The following HAUS6 variants were observed in gnomAD, a reference collection of about 807,000 sequenced individuals.
HAUS6 encodes HAUS augmin like complex subunit 6, also known as HAUS augmin-like complex subunit 6.
A neutral mutation model predicts 106.8 loss-of-function variants in HAUS6; 80 were observed. That is an observed-to-expected ratio of 0.75 (90% CI 0.63 to 0.90). The LOEUF (loss-of-function observed/expected upper bound fraction) is 0.90. HAUS6 is among the 40% of genes least tolerant of loss of function. The pLI is 0.00. For missense variants in HAUS6, 1,155 were observed against 1,118.1 expected, an observed-to-expected ratio of 1.03 and a Z score of -0.47; for synonymous variants, 356 against 379.1, an observed-to-expected ratio of 0.94 and a Z score of 0.71.
Position 19,058,294 on chromosome 9 carries a change from C to G in HAUS6, c.2473G>C (p.Glu825Gln). Residue 825 changes from glutamate (E) to glutamine (Q), a missense_variant, in exon 16 of 17, where the codon GAA becomes CAA. Glu to Gln is a conservative substitution (Grantham distance 29, BLOSUM62 2). Coordinates refer to ENST00000380502, the MANE Select transcript of HAUS6 (RefSeq NM_017645.5). ...AGAGCCTGTAAATTAAAGTCTGATT[C>G]TGGAGTAGTCTGTCTCCCTCCCACA... ...DVVGGRQTTP[E>Q]SDFNLQALRS... The G allele has an allele frequency of 6.2e-7, 1 of 1,613,204 alleles. No homozygotes were observed. Among genetic ancestry groups the G allele is most frequent in the Non-Finnish European group, 8.5e-7 (1 of 1,179,198 alleles).
At chr9:19,087,542 G>T (rs1837326454) in intron 5 of HAUS6, among the ~76,000 whole-genome samples, 1 of 152,098 alleles carries the variant, frequency 6.6e-6, no homozygotes, top group African/African-American at 2.4e-5. Flanking sequence ...TTATCCTACT[G>T]TAACTGTTTA....
chr9:19,098,451 A>AG (rs1474137911), intron 1 of HAUS6, among the ~76,000 whole-genome samples: 1 of 151,750 alleles, frequency 6.6e-6, no homozygotes, highest in East Asian at 1.9e-4. Flanking sequence ...AAAAAAAAAA[A>AG]AAAATTATAT....
intron 2 of HAUS6, among the ~76,000 whole-genome samples, chr9:19,095,326 C>T (rs546591341): frequency 6.6e-6 from 1 of 152,070 alleles, no homozygotes; most frequent in Non-Finnish European, 1.5e-5. Context: ...AGGCCTCATA[C>T]CTTTTCTATA....
chr9:19,080,501 A>G lies in HAUS6; in HGVS notation c.1042T>C (p.Leu348=), dbSNP rs543328888. The change falls in exon 9 of 17, where the codon TTA becomes CTA. Residue 348 remains leucine (L), a synonymous_variant. Transcript: ENST00000380502. ...TACCTCATATGTTTCAGATCTGATA[A>G]TCTTTCCTTCTGAAATTTGGTCTCT... The part of the protein sequence containing the change: ...EKETKFQKER[L]SDLKHMRYRI... 5 of 1,607,598 alleles carry G rather than the reference A, an allele frequency of 3.1e-6. No individual in the cohort carries two copies. The South Asian group carries it at 5.5e-5, about 18-fold the overall frequency.
chr9:19,100,323 G>A (rs550195130), intron 1 of HAUS6, among the ~76,000 whole-genome samples: 16 of 152,122 alleles, frequency 1.1e-4, no homozygotes, highest in Non-Finnish European at 2.1e-4. Flanking sequence ...CCACATTCAG[G>A]CCACTGCACT....
chr9:19,094,243 C>G, intron 3 of HAUS6, 74 bp downstream of exon 3: 1 of 816,894 alleles, frequency 1.2e-6, no homozygotes, highest in Non-Finnish European at 2.0e-6. Context: ...AGGATTTCAC[C>G]TCTAAAAAGT....
At chr9:19,073,748 G>A (rs1166093339) in intron 11 of HAUS6, 1 of 151,914 alleles carries the variant, frequency 6.6e-6, no homozygotes, top group Non-Finnish European at 1.5e-5. Flanking sequence ...ATTAAGGACT[G>A]TCCAAAGCCA....
Position 19,102,538 on chromosome 9 carries a change from G to C in HAUS6, c.114C>G (p.His38Gln), listed in dbSNP as rs1163147394. Reference sequence around the variant, plus strand: ...GGCCTCCTTACACTCCGAGGTGCGTGTGCGACACGATCTTTCCGCAGGCAA... The same window carrying C: ...GGCCTCCTTACACTCCGAGGTGCGTCTGCGACACGATCTTTCCGCAGGCAA... ...ATIACGKIVS[H>Q]THLGVNMFDK... Residue 38 changes from histidine to glutamine, a missense_variant, in exon 1 of 17, where the codon CAC (histidine) becomes CAG (glutamine). By Grantham distance (24) the His-to-Gln change is conservative. Transcript: ENST00000380502. The C allele has an allele frequency of 6.2e-7, 1 of 1,613,712 alleles. No homozygotes were observed. Among genetic ancestry groups the C allele is most frequent in the Non-Finnish European group, 8.5e-7 (1 of 1,179,804 alleles).
chr9:19,097,658 G>A (rs749865384), intron 1 of HAUS6, among the ~76,000 whole-genome samples: 2 of 151,946 alleles, frequency 1.3e-5, no homozygotes. Context: ...CCTCACCCTA[G>A]AGTCCAGGGT....
In HAUS6 at chr9:19,058,658, G is replaced by C. The variant is rs374948281; in HGVS notation, c.2109C>G (p.Thr703=). The C allele has an allele frequency of 3.7e-6, 6 of 1,608,066 alleles. No individual in the cohort carries two copies. Among genetic ancestry groups the C allele is most frequent in the Non-Finnish European group, 5.1e-6 (6 of 1,174,968 alleles). ...CKQDLECLAF[T]KLSETSRMET... is the part of the protein sequence containing the mutation. ...CCATTCGGCTAGTTTCTGAAAGCTT[G>C]GTGAAGGCTAAACATTCCAAATCTT... is the stretch of plus-strand genomic sequence containing the variant. Residue 703 remains threonine (T), a synonymous_variant, in exon 16 of 17, where the codon ACC becomes ACG. Coordinates refer to ENST00000380502, the MANE Select transcript of HAUS6 (RefSeq NM_017645.5).
rs945420409 is a variant in HAUS6 at position 19,056,155 on chromosome 9, G to A, written c.*188C>T. 2 of 498,498 alleles carry A rather than the reference G, an allele frequency of 4.0e-6. No homozygotes were observed. Among genetic ancestry groups the A allele is most frequent in the Non-Finnish European group, 7.1e-6 (2 of 280,862 alleles). The allele number at this position is 498,498 out of a possible 1,614,324, so 30.9% of individuals were successfully genotyped here. A position where few individuals can be genotyped will look rare whatever the true frequency, so the allele number is the denominator to read the frequency against. ...CATTTCAATCTCATATACCTACAAAGAGGAAAAAATCCAAACATACTTTCC... is the reference window on the plus strand; with the variant it reads ...CATTTCAATCTCATATACCTACAAAAAGGAAAAAATCCAAACATACTTTCC... On this transcript the variant is annotated 3_prime_UTR_variant, in exon 17 of 17. Transcript: ENST00000380502.
At chr9:19,061,793 C>A (rs1836628515) in intron 14 of HAUS6, among the ~76,000 whole-genome samples, 1 of 152,188 alleles carries the variant, frequency 6.6e-6, no homozygotes, top group Admixed American at 6.5e-5. Context: ...TATAATTACA[C>A]AACTGCACTC....
At chr9:19,066,455 G>A (rs972146883) in intron 12 of HAUS6, among the ~76,000 whole-genome samples, 38 of 152,132 alleles carry the variant, frequency 2.5e-4, no homozygotes, top group African/African-American at 8.4e-4. Context: ...ATGACATTTA[G>A]CTGGCACGTA....
intron 1 of HAUS6, 82 bp downstream of exon 1, chr9:19,102,442 A>C: frequency 7.0e-7 from 1 of 1,433,738 alleles, no homozygotes; most frequent in Non-Finnish European, 9.6e-7. Context: ...TGATTAATCA[A>C]CCTCCGGGGT....
At position 19,056,139 on chromosome 9, in the gene HAUS6, C is replaced by T; in HGVS notation, c.*204G>A. The T allele has an allele frequency of 2.2e-6, 1 of 453,098 alleles. No homozygotes were observed. The highest frequency in any genetic ancestry group is 2.2e-5 in the African/African-American group (1 of 46,286). The allele number at this position is 453,098 out of a possible 1,614,324, so 28.1% of individuals were successfully genotyped here. Reference sequence around the variant, plus strand: ...TTGTCCAAATACTTCACATTTCAATCTCATATACCTACAAAGAGGAAAAAA... The same window carrying T: ...TTGTCCAAATACTTCACATTTCAATTTCATATACCTACAAAGAGGAAAAAA... On this transcript the variant is annotated 3_prime_UTR_variant, in exon 17 of 17. Transcript: ENST00000380502.
intron 12 of HAUS6, among the ~76,000 whole-genome samples, chr9:19,066,722 G>C (rs1259317830): frequency 6.6e-6 from 1 of 151,676 alleles, no homozygotes; most frequent in Non-Finnish European, 1.5e-5. Context: ...AGCCAGGCAA[G>C]GTGGCTCACG....
rs757044848 is a variant in HAUS6 at position 19,087,112 on chromosome 9, C to G, written c.629G>C (p.Gly210Ala). ...QVRNLRSECI[G>A]LENQIKKMEP... ...TTACTTCTTTATTTGGTTTTCCAATCCTATACATTCAGATCTCAAGTTTCG... is the reference window on the plus strand; with the variant it reads ...TTACTTCTTTATTTGGTTTTCCAATGCTATACATTCAGATCTCAAGTTTCG... The change falls in exon 6 of 17, where the codon GGA (glycine) becomes GCA (alanine). Residue 210 changes from glycine (G) to alanine (A), a missense_variant. Around this residue, in one of 3 missense-constraint regions of HAUS6, gnomAD observed 761 missense variants for 690.0 expected, o/e 1.10. Transcript: ENST00000380502. 3.3e-6 allele frequency: 5 copies of G among 1,527,940 alleles called. No individual in the cohort carries two copies. The African/African-American group carries it at 6.9e-5, about 21-fold the overall frequency. The allele number at this position is 1,527,940 out of a possible 1,614,324, so 94.6% of individuals were successfully genotyped here. A position where few individuals can be genotyped will look rare whatever the true frequency, so the allele number is the denominator to read the frequency against.
At position 19,083,069 on chromosome 9, in the gene HAUS6, A is replaced by G. The variant is rs762245273; in HGVS notation, c.700-26T>C. The G allele has an allele frequency of 2.8e-6, 4 of 1,451,038 alleles. 1 individual carries two copies. In the South Asian group the frequency reaches 5.1e-5, roughly 18 times the overall value. 89.9% of individuals were successfully genotyped at this position (1,451,038 alleles called of 1,614,324 possible). On this transcript the variant is annotated intron_variant, in intron 7 of 16. Transcript: ENST00000380502. ...CTTTGGAAACAGAAACAAAATATTA[A>G]AGTCCACACATAATCTGTACATATT... is the stretch of plus-strand genomic sequence containing the variant.
chr9:19,084,133 A>G (rs2131137953), intron 7 of HAUS6, among the ~76,000 whole-genome samples: 1 of 152,164 alleles, frequency 6.6e-6, no homozygotes, highest in East Asian at 1.9e-4. Context: ...GTCCATCCAG[A>G]GTAAAAAGGG....
Sources: allele counts gnomAD v4.1 joint callset (sites outside exome capture counted in the v4.1 genomes callset), GRCh38; gene constraint gnomAD v4.1.1; regional missense constraint gnomAD v4.1.1; transcripts MANE v1.5; gene names NCBI Gene and HGNC (gene_info 2026-07-23, HGNC 2026-07-21).